Variants in MTUS1 observed in about 807,000 individuals in gnomAD.
MTUS1 encodes microtubule-associated tumor suppressor 1.
A neutral mutation model predicts 120.8 loss-of-function variants in MTUS1; 109 were observed. The ratio of observed to expected loss-of-function variants is 0.90; its 90% CI spans 0.77 to 1.06. The LOEUF is 1.06. Ranked by LOEUF, MTUS1 falls within the 50% of genes least tolerant of loss-of-function variation. MTUS1 has a pLI of 0.00. For missense variants in MTUS1, 2,210 were observed against 1,486.3 expected (o/e 1.49, Z -8.01); for synonymous variants, 737 against 550.5 (o/e 1.34, Z -4.74).
chr8:17,761,545 A>G (rs2049038066), intron 1 of MTUS1, among the ~76,000 whole-genome samples: 1 of 152,208 alleles, frequency 6.6e-6, no homozygotes, highest in Non-Finnish European at 1.5e-5. Flanking sequence ...CTAGAAACTC[A>G]ATAGAGGCTT....
chr8:17,739,954 A>G (rs1184341221), intron 3 of MTUS1, among the ~76,000 whole-genome samples: 1 of 152,120 alleles, frequency 6.6e-6, no homozygotes, highest in Admixed American at 6.5e-5. Flanking sequence ...GTAAAATGGA[A>G]CAGCTCTTTG....
intron 8 of MTUS1, among the ~76,000 whole-genome samples, chr8:17,659,645 C>T (rs1178914717): frequency 6.6e-6 from 1 of 152,054 alleles, no homozygotes; most frequent in Non-Finnish European, 1.5e-5. Flanking sequence ...TTACAGTGAG[C>T]CAAGATCGCA....
intron 8 of MTUS1, among the ~76,000 whole-genome samples, chr8:17,662,055 G>A (rs1403553185): frequency 1.3e-5 from 2 of 152,178 alleles, no homozygotes; most frequent in Non-Finnish European, 2.9e-5. Context: ...ACGTGTGTGT[G>A]TGGCGGTGGG....
Position 17,655,861 on chromosome 8 carries a change from A to G in MTUS1, c.3108+2T>C. On this transcript the variant is annotated splice_donor_variant, in intron 9 of 14. Coordinates refer to ENST00000693296, the MANE Select transcript of MTUS1 (RefSeq NM_001363059.2). LOFTEE classifies it high-confidence loss of function. Reference sequence around the variant, plus strand: ...ACAAGCTCTGGCTGCAAAAGCACAGACCTGCTCTTGCAATTGCATTTTGTA... The same window carrying G: ...ACAAGCTCTGGCTGCAAAAGCACAGGCCTGCTCTTGCAATTGCATTTTGTA... 6.2e-7 allele frequency: 1 copy of G among 1,613,978 alleles called. No individual in the cohort carries two copies. Among genetic ancestry groups the G allele is most frequent in the Admixed American group, 1.7e-5 (1 of 60,030 alleles).
intron 1 of MTUS1, among the ~76,000 whole-genome samples, chr8:17,783,079 A>AAAAC (rs36064055): frequency 0.2 from 30,210 of 151,900 alleles, 3,348 homozygotes; most frequent in South Asian, 0.41. Context: ...ATTCTGTCTC[A>AAAAC]AAACAAACAA....
chr8:17,713,234 A>C lies in MTUS1; in HGVS notation c.2603T>G (p.Leu868Ter). 8 of 1,596,860 alleles carry C rather than the reference A, an allele frequency of 5.0e-6. No individual in the cohort carries two copies. Among genetic ancestry groups the C allele is most frequent in the Non-Finnish European group, 6.0e-6 (7 of 1,166,588 alleles). Reference sequence around the variant, plus strand: ...CTCACCTGCATTAAGAGCTGTAAATAAATTTTTTCTCGAAGGACCTAAGAT... The same window carrying C: ...CTCACCTGCATTAAGAGCTGTAAATCAATTTTTTCTCGAAGGACCTAAGAT... The part of the protein sequence containing the change: ...TPPKGPSRKN[L>*]FTALNAVEKS... Residue 868 changes from leucine to a stop codon, truncating the protein, a stop_gained, in exon 6 of 15, where the codon TTA (leucine) becomes TGA (stop). Transcript: ENST00000693296. LOFTEE classifies it high-confidence loss of function.
chr8:17,742,269 G>GTTTTTTTTTTTTTTT (rs1210338239), intron 3 of MTUS1, among the ~76,000 whole-genome samples: 16 of 94,906 alleles, frequency 1.7e-4, no homozygotes, highest in African/African-American at 4.7e-4. Context: ...ATGCCCAGCT[G>GTTTTTTTTTTTTTTT]TTTTTTTTTT....
chr8:17,733,089 G>C (rs914104500), intron 3 of MTUS1, among the ~76,000 whole-genome samples: 1 of 152,084 alleles, frequency 6.6e-6, no homozygotes, highest in Non-Finnish European at 1.5e-5. Context: ...GGTGCCTCAC[G>C]CCCGTAATCC....
intron 9 of MTUS1, chr8:17,655,174 T>G (rs959128176): frequency 6.5e-6 from 1 of 154,174 alleles, no homozygotes; most frequent in African/African-American, 2.4e-5. Context: ...GAGTAGGCAC[T>G]CTGTAGATAT....
At chr8:17,735,227 C>T (rs1161147958) in intron 3 of MTUS1, among the ~76,000 whole-genome samples, 4 of 152,134 alleles carry the variant, frequency 2.6e-5, no homozygotes, top group Non-Finnish European at 4.4e-5. Flanking sequence ...GAATTAAACT[C>T]ACTATTCTCC....
intron 1 of MTUS1, among the ~76,000 whole-genome samples, chr8:17,762,015 C>G (rs1291622085): frequency 6.6e-6 from 1 of 152,184 alleles, no homozygotes; most frequent in African/African-American, 2.4e-5. Context: ...TGCAGTGGCT[C>G]AGGCCTATAA....
At chr8:17,743,920 C>A (rs1229958659) in intron 2 of MTUS1, 121 bp from the exon 3 acceptor site, 2 of 776,446 alleles carry the variant, frequency 2.6e-6, no homozygotes. Flanking sequence ...CAAGTTCAGG[C>A]CATGATGGCA....
chr8:17,767,477 G>A (rs1377045236), intron 1 of MTUS1, among the ~76,000 whole-genome samples: 1 of 151,368 alleles, frequency 6.6e-6, no homozygotes, highest in African/African-American at 2.4e-5. Context: ...CAGGAGGATT[G>A]CTTGAGGCCT....
Position 17,706,702 on chromosome 8 carries a change from T to C in MTUS1, c.2623+6512A>G, listed in dbSNP as rs144724531. On this transcript the variant is annotated intron_variant, in intron 6 of 14. Transcript: ENST00000693296. ...ACTTTTAATAATCTATCACAAGAAA[T>C]TGAAAGTTGAAAGTGCTAATTGTAT... Among the ~76,000 whole-genome samples, 830 of 152,302 alleles carry C rather than the reference T, an allele frequency of 5.4e-3. 11 individuals carry two copies. Among genetic ancestry groups the C allele is most frequent in the African/African-American group, 0.019 (775 of 41,554 alleles).
At chr8:17,713,561 C>A (rs1821744378) in intron 5 of MTUS1, among the ~76,000 whole-genome samples, 1 of 152,192 alleles carries the variant, frequency 6.6e-6, no homozygotes, top group African/African-American at 2.4e-5. Flanking sequence ...TTTAACAGTA[C>A]TGAATTCACA....
chr8:17,702,725 A>C (rs371997), intron 6 of MTUS1, among the ~76,000 whole-genome samples: 3 of 151,968 alleles, frequency 2.0e-5, no homozygotes, highest in Non-Finnish European at 4.4e-5. Context: ...TAAAGGCTGC[A>C]TAATACTCCA....
At chr8:17,739,820 A>C (rs1232343875) in intron 3 of MTUS1, among the ~76,000 whole-genome samples, 1 of 152,242 alleles carries the variant, frequency 6.6e-6, no homozygotes, top group Non-Finnish European at 1.5e-5. Flanking sequence ...ACTACTACAA[A>C]TAATTTTCAT....
At chr8:17,798,338 A>T (rs973045673) in intron 1 of MTUS1, among the ~76,000 whole-genome samples, 1 of 147,818 alleles carries the variant, frequency 6.8e-6, no homozygotes, top group Non-Finnish European at 1.5e-5. Context: ...AATTTGGGGA[A>T]TTTTTTTTTT....
At chr8:17,670,445 T>C (rs1253029724) in intron 8 of MTUS1, among the ~76,000 whole-genome samples, 4 of 152,184 alleles carry the variant, frequency 2.6e-5, no homozygotes, top group African/African-American at 9.7e-5. Context: ...CTTGACAGAC[T>C]TTCCCCCAGC....
Sources: gnomAD v4.1 joint callset for allele counts (sites outside exome capture counted in the v4.1 genomes callset) on GRCh38, gnomAD v4.1.1 for gene constraint, MANE v1.5 for transcripts, NCBI Gene and HGNC (gene_info 2026-07-23, HGNC 2026-07-21) for gene names.